The following NARF variants were observed in gnomAD, a reference collection of about 807,000 sequenced individuals.
NARF encodes nuclear prelamin A recognition factor.
NARF carries 41 observed loss-of-function variants against 48.0 expected under a neutral mutation model. That is an observed-to-expected ratio of 0.85 (90% confidence interval 0.66 to 1.11). The LOEUF is 1.11. NARF is among the 50% of genes least tolerant of loss of function. The pLI is 0.00. For missense variants in NARF, 613 were observed against 590.2 expected (o/e 1.04, Z -0.40); for synonymous variants, 215 against 225.5 (o/e 0.95, Z 0.42).
chr17:82,479,644 G>A (rs1287964688), intron 6 of NARF, among the ~76,000 whole-genome samples: 6 of 152,188 alleles, frequency 3.9e-5, no homozygotes, highest in African/African-American at 7.2e-5. Context: ...ACCTCCCTCC[G>A]GGGAAGCAGC....
chr17:82,462,275 A>G (rs2043456699), intron 2 of NARF, among the ~76,000 whole-genome samples: 1 of 151,530 alleles, frequency 6.6e-6, no homozygotes, highest in African/African-American at 2.4e-5. Flanking sequence ...GGGCACTGGC[A>G]CACCAGGCAA....
chr17:82,462,513 C>G (rs1201040375), intron 2 of NARF: 1 of 152,450 alleles, frequency 6.6e-6, no homozygotes, highest in Non-Finnish European at 1.5e-5. Flanking sequence ...CTGGGCAAGT[C>G]TACCAGAGTG....
Position 82,488,332 on chromosome 17 carries a change from C to A in NARF, c.*175C>A. The A allele has an allele frequency of 2.1e-6, 2 of 966,282 alleles. No homozygotes were observed. Among genetic ancestry groups the A allele is most frequent in the Non-Finnish European group, 3.0e-6 (2 of 675,168 alleles). The allele number at this position is 966,282 out of a possible 1,614,324, so 59.9% of individuals were successfully genotyped here. On this transcript the variant is annotated 3_prime_UTR_variant, in exon 11 of 11. Coordinates refer to ENST00000309794, the MANE Select transcript of NARF (RefSeq NM_012336.4). ...TTATTGGAGGCCCCTCAGGCAGTTT[C>A]ATGTGGTGCTATCTTCATAATAGGT... is the stretch of plus-strand genomic sequence containing the variant.
At chr17:82,484,977 T>G in intron 9 of NARF, 27 bp downstream of exon 9, 1 of 1,577,354 alleles carries the variant, frequency 6.3e-7, no homozygotes, top group Non-Finnish European at 8.6e-7. Flanking sequence ...ACAGCCTGTC[T>G]GTGCCTGTGG....
At chr17:82,463,329 A>G (rs1223410727) in intron 2 of NARF, 2 of 152,188 alleles carry the variant, frequency 1.3e-5, no homozygotes, top group African/African-American at 4.8e-5. Flanking sequence ...GGAACAAGAG[A>G]ACAAGACAGT....
At chr17:82,464,250 T>C in intron 2 of NARF, 37 bp from the exon 3 acceptor site, 1 of 1,603,978 alleles carries the variant, frequency 6.2e-7, no homozygotes, top group Non-Finnish European at 8.5e-7. Context: ...TAAAGAGTAT[T>C]TGTTGAATAA....
chr17:82,467,653 T>G (rs1369394796), intron 3 of NARF, among the ~76,000 whole-genome samples: 1 of 151,790 alleles, frequency 6.6e-6, no homozygotes, highest in Non-Finnish European at 1.5e-5. Flanking sequence ...TACAGGCACA[T>G]GCCACCACAC....
intron 7 of NARF, chr17:82,482,744 A>G (rs1338060813): frequency 6.6e-6 from 1 of 152,180 alleles, no homozygotes; most frequent in Non-Finnish European, 1.5e-5. Context: ...CTGGAGGATC[A>G]CTTGAGCCCA....
At chr17:82,487,221 C>T (rs1020635453) in intron 10 of NARF, among the ~76,000 whole-genome samples, 3 of 148,772 alleles carry the variant, frequency 2.0e-5, no homozygotes, top group South Asian at 2.1e-4. Context: ...CGGTGGCTCA[C>T]GCCTGTAATC....
chr17:82,475,826 CAG>C (rs1370765195), intron 5 of NARF, among the ~76,000 whole-genome samples: 1 of 152,142 alleles, frequency 6.6e-6, no homozygotes, highest in Admixed American at 6.5e-5. Context: ...TTCACATCAG[CAG>C]AGTTAGTTCC....
intron 4 of NARF, among the ~76,000 whole-genome samples, chr17:82,471,998 T>G (rs1236151795): frequency 6.6e-6 from 1 of 151,998 alleles, no homozygotes; most frequent in Non-Finnish European, 1.5e-5. Context: ...AGAGAGAACA[T>G]ACATATTTCA....
chr17:82,468,580 A>G lies in NARF; in HGVS notation c.253-184A>G, dbSNP rs1301167974. 2.3e-5 allele frequency: 14 copies of G among 600,192 alleles called. No individual in the cohort carries two copies. The East Asian group carries it at 4.4e-4, about 19-fold the overall frequency. 37.2% of individuals were successfully genotyped at this position (600,192 alleles called of 1,614,324 possible). A position where few individuals can be genotyped will look rare whatever the true frequency, so the allele number is the denominator to read the frequency against. On this transcript the variant is annotated intron_variant, in intron 3 of 10. Coordinates refer to ENST00000309794, the MANE Select transcript of NARF (RefSeq NM_012336.4). ...TTAAAAAAATATTTACCAGAAGCCC[A>G]AACCTCACCATAATCCTGATTTTTT...
intron 7 of NARF, among the ~76,000 whole-genome samples, chr17:82,481,521 G>A (rs1425847998): frequency 2.0e-5 from 3 of 152,106 alleles, no homozygotes; most frequent in Admixed American, 1.3e-4. Context: ...CTGAGGTCAG[G>A]AGTTCGAGAC....
chr17:82,464,949 T>G lies in NARF; in HGVS notation c.252+519T>G, dbSNP rs143626866. Reference sequence around the variant, plus strand: ...TTGTCTTTCCGTGAGACAGGTTGTATTAGTCCATTCTCACATTGCTACAAA... The same window carrying G: ...TTGTCTTTCCGTGAGACAGGTTGTAGTAGTCCATTCTCACATTGCTACAAA... On this transcript the variant is annotated intron_variant, in intron 3 of 10. Coordinates refer to ENST00000309794, the MANE Select transcript of NARF (RefSeq NM_012336.4). 5.1e-4 allele frequency among the ~76,000 whole-genome samples: 77 copies of G among 152,324 alleles called. No individual in the cohort carries two copies. The East Asian group carries it at 0.013, about 26-fold the overall frequency.
chr17:82,459,168 G>A (rs1335523937), intron 1 of NARF: 9 of 1,109,520 alleles, frequency 8.1e-6, no homozygotes, highest in African/African-American at 6.5e-5. Flanking sequence ...GTTTCGAGAG[G>A]GTTTTAGGCG....
Position 82,488,138 on chromosome 17 carries a change from G to T in NARF, c.1352G>T (p.Ser451Ile). ...CAGAGCCAGGAGCGTGGCACACACA[G>T]CCTGGACATCAAGTGGTGAAGTCAG... Reference protein sequence around the residue: ...TYQSQERGTHSLDIKW With the variant: ...TYQSQERGTHILDIKW Residue 451 changes from serine (S) to isoleucine (I), a missense_variant, in exon 11 of 11, where the codon AGC becomes ATC. Physicochemically the swap from Ser to Ile is moderately radical, Grantham distance 142 (BLOSUM62 -2). Transcript: ENST00000309794. 6.2e-7 allele frequency: 1 copy of T among 1,613,924 alleles called. No individual in the cohort carries two copies. The highest frequency in any genetic ancestry group is 8.5e-7 in the Non-Finnish European group (1 of 1,179,932).
intron 10 of NARF, 119 bp from the exon 11 acceptor site, chr17:82,487,797 C>CAAAAAAAAA: frequency 2.0e-6 from 1 of 505,668 alleles, no homozygotes; most frequent in Middle Eastern, 3.9e-4. Flanking sequence ...CCAATCTCTA[C>CAAAAAAAAA]AAAAAATTTA....
At chr17:82,481,243 T>TG in intron 7 of NARF, 32 bp downstream of exon 7, 1 of 1,611,362 alleles carries the variant, frequency 6.2e-7, no homozygotes, top group Non-Finnish European at 8.5e-7. Context: ...ACCTGGGCGC[T>TG]GGGGTAATCT....
chr17:82,478,750 A>G (rs1263839614), intron 5 of NARF, 50 bp from the exon 6 acceptor site: 1 of 1,543,962 alleles, frequency 6.5e-7, no homozygotes, highest in Admixed American at 1.7e-5. Flanking sequence ...CGTTACAGGA[A>G]GACCAGAGGA....
Sources: gnomAD v4.1 joint callset for allele counts (sites outside exome capture counted in the v4.1 genomes callset) on GRCh38, gnomAD v4.1.1 for gene constraint, MANE v1.5 for transcripts, NCBI Gene and HGNC (gene_info 2026-07-23, HGNC 2026-07-21) for gene names.